The following FN1 variants were observed in gnomAD, a reference collection of about 807,000 sequenced individuals.
The protein encoded by FN1 is fibronectin.
In FN1, 106 loss-of-function variants were observed where a neutral mutation model predicts 297.3. The observed-to-expected ratio is 0.36, with a 90% CI of 0.30 to 0.42. The LOEUF (loss-of-function observed/expected upper bound fraction) is 0.42, where lower values mean the gene tolerates loss of function less well. Among genes scored for constraint, FN1 ranks in the 10% least tolerant of loss-of-function variants. The probability of loss-of-function intolerance (pLI) is 1.00; values close to 1 mark genes in which losing one functional copy is unlikely to be tolerated. For synonymous variants in FN1, 1,149 were observed against 1,152.6 expected (o/e 1.00, Z 0.06); for missense variants, 2,690 against 3,124.9 (o/e 0.86, Z 3.32).
chr2:215,392,669 T>C, intron 25 of FN1: 1 of 499,176 alleles, frequency 2.0e-6, no homozygotes, highest in Non-Finnish European at 3.6e-6. Context: ...TGCTATTTTA[T>C]ATTTAACAGA....
rs1251478986 is a variant in FN1, at chr2:215,420,746, A to C, written c.1602T>G (p.Arg534=). The change falls in exon 11 of 46, where the codon CGT becomes CGG. Residue 534 remains arginine, a synonymous_variant. Coordinates refer to ENST00000354785, the MANE Select transcript of FN1 (RefSeq NM_212482.4). ...TYNVNDTFHK[R]HEEGHMLNCT... is the part of the protein sequence containing the mutation. ...AGTTCAGCATGTGCCCCTCTTCATG[A>C]CGCTTGTGGAATGTGTCGTTCACAT... 6.2e-7 allele frequency: 1 copy of C among 1,613,944 alleles called. No individual in the cohort carries two copies. Among genetic ancestry groups the C allele is most frequent in the Non-Finnish European group, 8.5e-7 (1 of 1,179,972 alleles).
chr2:215,389,311 C>T (rs1425033929), intron 26 of FN1, among the ~76,000 whole-genome samples: 1 of 152,050 alleles, frequency 6.6e-6, no homozygotes, highest in East Asian at 1.9e-4. Context: ...ACCGTGTTAA[C>T]CAGGCTTGGA....
chr2:215,426,338 C>T (rs1310107277), intron 6 of FN1, among the ~76,000 whole-genome samples: 4 of 151,724 alleles, frequency 2.6e-5, no homozygotes, highest in Admixed American at 6.6e-5. Context: ...TTAGTAGAGA[C>T]GGGGTTTCAC....
At chr2:215,413,064 T>C (rs74847681) in intron 13 of FN1, among the ~76,000 whole-genome samples, 2,505 of 152,316 alleles carry the variant, frequency 0.016, 65 homozygotes, top group African/African-American at 0.058. Flanking sequence ...TTTTTATACC[T>C]TAATATTGCT....
At chr2:215,377,341 A>G (rs1038544343) in intron 35 of FN1, among the ~76,000 whole-genome samples, 33 of 152,276 alleles carry the variant, frequency 2.2e-4, no homozygotes, top group South Asian at 2.1e-4. Flanking sequence ...GTAATCTCCA[A>G]TGCTGGAGGT....
At chr2:215,410,679 A>G (rs1347706883) in intron 13 of FN1, among the ~76,000 whole-genome samples, 1 of 151,686 alleles carries the variant, frequency 6.6e-6, no homozygotes, top group African/African-American at 2.4e-5. Flanking sequence ...GGCTAATTTT[A>G]TATTTTTAGT....
chr2:215,434,817 A>G lies in FN1; in HGVS notation c.156T>C (p.Cys52=), dbSNP rs2067173941. 2 of 1,608,250 alleles carry G rather than the reference A, an allele frequency of 1.2e-6. No homozygotes were observed. Among genetic ancestry groups the G allele is most frequent in the African/African-American group, 2.7e-5 (2 of 73,018 alleles). Residue 52 remains cysteine (C), a synonymous_variant, in exon 2 of 46, where the codon TGT becomes TGC. Coordinates refer to ENST00000354785, the MANE Select transcript of FN1 (RefSeq NM_212482.4). ...PVAVSQSKPG[C]YDNGKHYQIN... ...TCTGATAGTGTTTTCCATTGTCATA[A>G]CAACCGGCTGCAAATAATTGAAGGA...
At chr2:215,433,273 A>C (rs756422166) in intron 3 of FN1, 51 bp downstream of exon 3, 1 of 1,605,124 alleles carries the variant, frequency 6.2e-7, no homozygotes, top group Non-Finnish European at 8.5e-7. Context: ...ATGGTAACAG[A>C]GAAATTCATA....
At chr2:215,383,739 C>T (rs1029813557) in intron 30 of FN1, among the ~76,000 whole-genome samples, 2 of 152,306 alleles carry the variant, frequency 1.3e-5, no homozygotes, top group Admixed American at 6.5e-5. Context: ...ACTTTATCAA[C>T]TCATCCATTC....
intron 6 of FN1, among the ~76,000 whole-genome samples, chr2:215,426,129 ATCTTT>A (rs1270533259): frequency 4.2e-5 from 6 of 141,436 alleles, no homozygotes; most frequent in African/African-American, 1.3e-4. Flanking sequence ...GGATGTGTTG[ATCTTT>A]TCTTTTTTCT....
chr2:215,434,851 CATT>C, intron 1 of FN1, 27 bp from the exon 2 acceptor site: 1 of 1,607,920 alleles, frequency 6.2e-7, no homozygotes, highest in Non-Finnish European at 8.5e-7. Flanking sequence ...GAAAACGTTA[CATT>C]TGCATTTCTC....
chr2:215,382,984 ATG>A (rs773790443), intron 31 of FN1, among the ~76,000 whole-genome samples: 5 of 151,880 alleles, frequency 3.3e-5, no homozygotes, highest in Non-Finnish European at 7.4e-5. Context: ...CCTGTTGTAT[ATG>A]AGATGCAGAT....
rs1461651611 is a variant in FN1 at position 215,371,814 on chromosome 2, T to C, written c.6714+95A>G. On this transcript the variant is annotated intron_variant, in intron 40 of 45. Transcript: ENST00000354785. The stretch of plus-strand genomic sequence containing the variant: ...AGGCGTGAGCCATCACACCCGGCCA[T>C]GAAGCCACTTTTTATTCGAGGGCTG... 3.5e-6 allele frequency: 4 copies of C among 1,134,164 alleles called. No homozygotes were observed. The Admixed American group carries it at 7.2e-5, about 20-fold the overall frequency. The allele number at this position is 1,134,164 out of a possible 1,614,324, so 70.3% of individuals were successfully genotyped here. A position where few individuals can be genotyped will look rare whatever the true frequency, so the allele number is the denominator to read the frequency against.
Position 215,372,371 on chromosome 2 carries a change from C to T in FN1, c.6252G>A (p.Glu2084=). 6.2e-7 allele frequency: 1 copy of T among 1,613,984 alleles called. No homozygotes were observed. Among genetic ancestry groups the T allele is most frequent in the Non-Finnish European group, 8.5e-7 (1 of 1,179,868 alleles). The stretch of plus-strand genomic sequence containing the variant: ...GTGGAAGGGTTACCAGTTGGGGAAG[C>T]TCGTCTAGCCGAGAGAGGTTAGAGC... ...EPLIGRKKTD[E]LPQLVTLPHP... Residue 2084 remains glutamate (E), a synonymous_variant, in exon 40 of 46, where the codon GAG becomes GAA. Coordinates refer to ENST00000354785, the MANE Select transcript of FN1 (RefSeq NM_212482.4).
At chr2:215,401,709 T>C (rs2061191730) in intron 20 of FN1, among the ~76,000 whole-genome samples, 1 of 152,228 alleles carries the variant, frequency 6.6e-6, no homozygotes, top group Admixed American at 6.5e-5. Flanking sequence ...CAGTCAATTT[T>C]TTTTTCTTTG....
intron 12 of FN1, 117 bp downstream of exon 12, chr2:215,419,125 A>C: frequency 1.3e-6 from 1 of 799,192 alleles, no homozygotes. Flanking sequence ...TAATAACAAG[A>C]GAAAAGGGTG....
At chr2:215,408,267 A>C in intron 16 of FN1, 31 bp downstream of exon 16, 1 of 1,614,086 alleles carries the variant, frequency 6.2e-7, no homozygotes, top group African/African-American at 1.3e-5. Context: ...ACAGAAAAAG[A>C]TTCTTTTAAC....
At chr2:215,362,721 G>A (rs1041204644) in intron 44 of FN1, 6 of 153,774 alleles carry the variant, frequency 3.9e-5, no homozygotes, top group Non-Finnish European at 7.2e-5. Context: ...AGCCAGTGAG[G>A]CTCCTGCCTG....
chr2:215,388,724 C>T (rs1319498084), intron 26 of FN1, among the ~76,000 whole-genome samples: 1 of 152,184 alleles, frequency 6.6e-6, no homozygotes, highest in East Asian at 1.9e-4. Context: ...AATTTCTTGT[C>T]ATACAACGTA....
Sources: gnomAD v4.1 joint callset for allele counts (sites outside exome capture counted in the v4.1 genomes callset) on GRCh38, gnomAD v4.1.1 for gene constraint, MANE v1.5 for transcripts, NCBI Gene and HGNC (gene_info 2026-07-23, HGNC 2026-07-21) for gene names.